Variants in ASB1 observed in about 807,000 individuals in gnomAD.
ASB1 encodes the protein ankyrin repeat and SOCS box protein 1.
In ASB1, 18 loss-of-function variants were observed where a neutral mutation model predicts 27.7. The ratio of observed to expected loss-of-function variants is 0.65; its 90% CI spans 0.45 to 0.96. The LOEUF is 0.96. Ranked by LOEUF, ASB1 falls within the 50% of genes least tolerant of loss-of-function variation. ASB1 has a pLI of 0.00. For synonymous variants in ASB1, 189 were observed against 187.6 expected (o/e 1.01, Z -0.06); for missense variants, 397 against 451.7 (o/e 0.88, Z 1.10).
At position 238,450,649 on chromosome 2, in the gene ASB1, C is replaced by G. The variant is rs546837028; in HGVS notation, c.*4138C>G. ...CATGGCCAAGAACGAGTCTGGAGATCGCTGCGTGCGGTTTTAGGAAGTGCC... is the reference window on the plus strand; with the variant it reads ...CATGGCCAAGAACGAGTCTGGAGATGGCTGCGTGCGGTTTTAGGAAGTGCC... On this transcript the variant is annotated 3_prime_UTR_variant, in exon 5 of 5. Transcript: ENST00000264607. 2.0e-4 allele frequency: 30 copies of G among 152,324 alleles called. No individual in the cohort carries two copies. Among genetic ancestry groups the G allele is most frequent in the African/African-American group, 6.5e-4 (27 of 41,564 alleles). 9.4% of individuals were successfully genotyped at this position (152,324 alleles called of 1,614,324 possible).
At chr2:238,429,854 C>T (rs11895698) in intron 1 of ASB1, among the ~76,000 whole-genome samples, 23,830 of 150,890 alleles carry the variant, frequency 0.16, 2,085 homozygotes, top group African/African-American at 0.2. Context: ...AGGAGAATGG[C>T]GTGAACCCGG....
At chr2:238,436,774 C>CTT (rs66960467) in intron 3 of ASB1, among the ~76,000 whole-genome samples, 32,063 of 146,872 alleles carry the variant, frequency 0.22, 6,120 homozygotes, top group African/African-American at 0.51. Flanking sequence ...CTCTCTCTCT[C>CTT]TTTTTTTTTT....
intron 3 of ASB1, among the ~76,000 whole-genome samples, chr2:238,436,714 TA>T (rs1283826435): frequency 1.3e-5 from 2 of 152,010 alleles, no homozygotes; most frequent in Non-Finnish European, 2.9e-5. Context: ...TTGAAACAAG[TA>T]CATGACCATG....
chr2:238,427,275 C>T, intron 1 of ASB1, 156 bp downstream of exon 1: 1 of 489,142 alleles, frequency 2.0e-6, no homozygotes, highest in Non-Finnish European at 3.2e-6. Flanking sequence ...TGGGGTTCAG[C>T]GCGGCTCGCA....
rs757893840 is a variant in ASB1, at chr2:238,435,753, C to T, written c.234C>T (p.Pro78=). ...EKSVWCCGWL[P]CTPLRIAATA... The stretch of plus-strand genomic sequence containing the variant: ...CTGTCTGGTGCTGTGGCTGGCTCCC[C>T]TGCACACCGTTGCGAATCGCGGCCA... Residue 78 remains proline, a synonymous_variant, in exon 3 of 5, where the codon CCC becomes CCT. Coordinates refer to ENST00000264607, the MANE Select transcript of ASB1 (RefSeq NM_001040445.3). 2 of 1,613,964 alleles carry T rather than the reference C, an allele frequency of 1.2e-6. No homozygotes were observed. The highest frequency in any genetic ancestry group is 1.7e-6 in the Non-Finnish European group (2 of 1,180,020).
rs970775754 is a variant in ASB1 at position 238,433,583 on chromosome 2, C to A, written c.79C>A (p.Gln27Lys). 25 of 1,613,988 alleles carry A rather than the reference C, an allele frequency of 1.5e-5. No individual in the cohort carries two copies. Among genetic ancestry groups the A allele is most frequent in the Non-Finnish European group, 1.9e-5 (23 of 1,180,020 alleles). ...TAATCTGAAGGAGTGGCTGAGGGAG[C>A]AATTTTGTGATCATCCGCTGGAGCA... is the stretch of plus-strand genomic sequence containing the variant. ...GRNLKEWLREQFCDHPLEHCE... is the reference protein window; with the variant it reads ...GRNLKEWLREKFCDHPLEHCE... Residue 27 changes from glutamine (Q) to lysine (K), a missense_variant, in exon 2 of 5, where the codon CAA (glutamine) becomes AAA (lysine). Coordinates refer to ENST00000264607, the MANE Select transcript of ASB1 (RefSeq NM_001040445.3).
intron 1 of ASB1, among the ~76,000 whole-genome samples, chr2:238,429,762 CT>C (rs1701830755): frequency 1.3e-5 from 2 of 152,092 alleles, no homozygotes; most frequent in Admixed American, 6.6e-5. Flanking sequence ...GAAACCCCTT[CT>C]CTACTAAAAA....
At chr2:238,438,527 C>T (rs535671008) in intron 3 of ASB1, among the ~76,000 whole-genome samples, 3 of 152,332 alleles carry the variant, frequency 2.0e-5, no homozygotes, top group Admixed American at 1.3e-4. Context: ...GAAAACGTTA[C>T]TAAGACATCT....
chr2:238,427,356 T>G (rs2090516186), intron 1 of ASB1: 1 of 374,678 alleles, frequency 2.7e-6, no homozygotes, highest in East Asian at 3.9e-5. Flanking sequence ...CGCTAGATTT[T>G]CTTTCCGGTG....
At position 238,426,939 on chromosome 2, in the gene ASB1, G is replaced by T; in HGVS notation, c.-132G>T. The stretch of plus-strand genomic sequence containing the variant: ...GGCCCCGGAAACCAGTGAGGCCGGC[G>T]CGCGCCCGCCGGAAGCCGCGACCCC... On this transcript the variant is annotated 5_prime_UTR_variant, in exon 1 of 5. Coordinates refer to ENST00000264607, the MANE Select transcript of ASB1 (RefSeq NM_001040445.3). The T allele has an allele frequency of 4.8e-6, 3 of 626,418 alleles. No homozygotes were observed. The South Asian group carries it at 2.5e-4, about 52-fold the overall frequency. 38.8% of individuals were successfully genotyped at this position (626,418 alleles called of 1,614,324 possible).
At position 238,427,317 on chromosome 2, in the gene ASB1, C is replaced by T. The variant is rs1459035671; in HGVS notation, c.49+198C>T. On this transcript the variant is annotated intron_variant, in intron 1 of 4. Coordinates refer to ENST00000264607, the MANE Select transcript of ASB1 (RefSeq NM_001040445.3). ...GGCGACCCCACCACGGACGCGCTGC[C>T]CTCTCCTCGGCCTCGAGTGCAGTCC... is the stretch of plus-strand genomic sequence containing the variant. The T allele has an allele frequency of 2.4e-5, 9 of 382,612 alleles. No individual in the cohort carries two copies. In the Admixed American group the frequency reaches 2.7e-4, roughly 12 times the overall value. 23.7% of individuals were successfully genotyped at this position (382,612 alleles called of 1,614,324 possible).
chr2:238,428,462 G>A (rs1393087625), intron 1 of ASB1, among the ~76,000 whole-genome samples: 1 of 152,114 alleles, frequency 6.6e-6, no homozygotes, highest in Admixed American at 6.6e-5. Flanking sequence ...GCTAATTTTT[G>A]TATTTTAGTA....
rs570935150 is a variant in ASB1, at chr2:238,427,096, G to A, written c.26G>A (p.Gly9Glu). ...ATGGCGGAGGGCGGCAGCCCAGACG[G>A]GCGGGCAGGGCCGGGCTCCGCAGGT... is the stretch of plus-strand genomic sequence containing the variant. MAEGGSPD[G>E]RAGPGSAGRN... The change falls in exon 1 of 5, where the codon GGG becomes GAG. Residue 9 changes from glycine to glutamate, a missense_variant. Physicochemically the swap from Gly to Glu is moderately conservative, Grantham distance 98 (BLOSUM62 -2). Transcript: ENST00000264607. The A allele has an allele frequency of 5.6e-5, 70 of 1,261,148 alleles. 1 individual carries two copies. In the South Asian group the frequency reaches 1.5e-3, roughly 27 times the overall value. The allele number at this position is 1,261,148 out of a possible 1,614,324, so 78.1% of individuals were successfully genotyped here.
chr2:238,431,781 G>A (rs1460376982), intron 1 of ASB1, among the ~76,000 whole-genome samples: 6 of 152,170 alleles, frequency 3.9e-5, no homozygotes, highest in Non-Finnish European at 5.9e-5. Context: ...GGAGCAGTCA[G>A]AACACAGACC....
chr2:238,437,144 T>A (rs1224365626), intron 3 of ASB1, among the ~76,000 whole-genome samples: 1 of 151,972 alleles, frequency 6.6e-6, no homozygotes, highest in African/African-American at 2.4e-5. Flanking sequence ...GTTATCTTTC[T>A]GTTTTGTAAC....
intron 3 of ASB1, among the ~76,000 whole-genome samples, chr2:238,444,061 G>A (rs1402647976): frequency 6.6e-6 from 1 of 152,094 alleles, no homozygotes; most frequent in Non-Finnish European, 1.5e-5. Flanking sequence ...CTTTTTCTTT[G>A]CTCTGAAATA....
rs371505177 is a variant in ASB1, at chr2:238,444,604, G to A, written c.757G>A (p.Val253Met). The A allele has an allele frequency of 2.5e-6, 4 of 1,614,180 alleles. No individual in the cohort carries two copies. Among genetic ancestry groups the A allele is most frequent in the Non-Finnish European group, 3.4e-6 (4 of 1,180,038 alleles). ...GCGCCACGGCTGTGAGGCAGCCTTC[G>A]TGAGCCTGCTGGTAGAATTTGGAGC... ...VLRHGCEAAF[V>M]SLLVEFGANL... Residue 253 changes from valine to methionine, a missense_variant, in exon 4 of 5, where the codon GTG (valine) becomes ATG (methionine). Val to Met is a conservative substitution (Grantham distance 21). Transcript: ENST00000264607.
intron 1 of ASB1, chr2:238,427,793 T>G (rs1319858496): frequency 6.6e-6 from 1 of 152,432 alleles, no homozygotes; most frequent in Non-Finnish European, 1.5e-5. Context: ...TTCCCGGTGG[T>G]GTGGTGGGAG....
At position 238,442,014 on chromosome 2, in the gene ASB1, G is replaced by A. The variant is rs114732494; in HGVS notation, c.495-2328G>A. Among the ~76,000 whole-genome samples, 333 of 152,246 alleles carry A rather than the reference G, an allele frequency of 2.2e-3. 3 individuals carry two copies. Among genetic ancestry groups the A allele is most frequent in the African/African-American group, 7.7e-3 (321 of 41,526 alleles). ...TTTTGGATTTTTCCCAATCTGATAG[G>A]TGAGAAGTGATATCTCAGAATAGTT... On this transcript the variant is annotated intron_variant, in intron 3 of 4. Transcript: ENST00000264607.
Sources: gnomAD v4.1 joint callset for allele counts (sites outside exome capture counted in the v4.1 genomes callset) on GRCh38, gnomAD v4.1.1 for gene constraint, MANE v1.5 for transcripts, NCBI Gene and HGNC (gene_info 2026-07-23, HGNC 2026-07-21) for gene names.